Variants in ZNF700 observed in about 807,000 individuals in gnomAD.
ZNF700 encodes the protein zinc finger protein 700.
In ZNF700, 38 loss-of-function variants were observed where a neutral mutation model predicts 65.3. That is an observed-to-expected ratio of 0.58 (90% CI 0.45 to 0.76). ZNF700 has a LOEUF of 0.76. Among genes scored for constraint, ZNF700 ranks in the 30% least tolerant of loss-of-function variants. ZNF700 has a pLI of 0.00. For missense variants in ZNF700, 857 were observed against 888.4 expected (o/e 0.96, Z 0.45); for synonymous variants, 285 against 290.4 (o/e 0.98, Z 0.19).
intron 1 of ZNF700, 24 bp downstream of exon 1, chr19:11,925,297 G>T (rs577519086): frequency 6.2e-7 from 1 of 1,609,634 alleles, no homozygotes; most frequent in Non-Finnish European, 8.5e-7. Flanking sequence ...ACCAGATGTC[G>T]TGAGACGGGG....
Position 11,950,351 on chromosome 19 carries a change from G to A in ZNF700, c.*98G>A, listed in dbSNP as rs890501032. ...ACTTTCACATTTTCCAGTTCTTTTC[G>A]ATATCATGAAAGGACTCACACTGGG... On this transcript the variant is annotated 3_prime_UTR_variant, in exon 4 of 4. Coordinates refer to ENST00000254321, the MANE Select transcript of ZNF700 (RefSeq NM_144566.3). The A allele has an allele frequency of 1.2e-5, 15 of 1,277,186 alleles. No homozygotes were observed. The highest frequency in any genetic ancestry group is 3.8e-4 in the Middle Eastern group (2 of 5,302). 79.1% of individuals were successfully genotyped at this position (1,277,186 alleles called of 1,614,324 possible). A position where few individuals can be genotyped will look rare whatever the true frequency, so the allele number is the denominator to read the frequency against.
rs893338182 is a variant in ZNF700, at chr19:11,932,317, C to T, written c.63+7044C>T. On this transcript the variant is annotated intron_variant, in intron 1 of 3. Coordinates refer to ENST00000254321, the MANE Select transcript of ZNF700 (RefSeq NM_144566.3). ...TATGATTGCACCACTACACTCCAGC[C>T]TGGGTAACAGAACGAGACCCTGTTT... Among the ~76,000 whole-genome samples the T allele has an allele frequency of 3.4e-5, 5 of 146,968 alleles. 1 individual carries two copies. The highest frequency in any genetic ancestry group is 1.3e-4 in the African/African-American group (5 of 37,326).
chr19:11,932,931 C>T (rs1416329634), intron 1 of ZNF700, among the ~76,000 whole-genome samples: 1 of 148,334 alleles, frequency 6.7e-6, no homozygotes, highest in Admixed American at 6.6e-5. Flanking sequence ...GCCACTGCAC[C>T]CGGCCAATAT....
chr19:11,939,872 T>G (rs1357188308), intron 1 of ZNF700: 1 of 152,214 alleles, frequency 6.6e-6, no homozygotes, highest in Non-Finnish European at 1.5e-5. Flanking sequence ...ATAAGTTCTG[T>G]AAGATGAATT....
chr19:11,946,353 A>G (rs1305436019), intron 1 of ZNF700, among the ~76,000 whole-genome samples: 1 of 151,942 alleles, frequency 6.6e-6, no homozygotes, highest in Non-Finnish European at 1.5e-5. Context: ...TCTCTCTTCT[A>G]GGTAAGGACG....
chr19:11,940,373 G>C (rs931606996), intron 1 of ZNF700, among the ~76,000 whole-genome samples: 1 of 152,144 alleles, frequency 6.6e-6, no homozygotes, highest in Non-Finnish European at 1.5e-5. Context: ...TCTGGAGTTT[G>C]TTCCTTCTGA....
intron 1 of ZNF700, among the ~76,000 whole-genome samples, chr19:11,933,785 CAGTGAGCTGAG>C (rs1250488099): frequency 1.4e-5 from 2 of 144,496 alleles, no homozygotes; most frequent in African/African-American, 5.6e-5. Context: ...GCGGAGCTTG[CAGTGAGCTGAG>C]ATGGCGCCAC....
rs1035138144 is a variant in ZNF700, at chr19:11,934,600, C to T, written c.63+9327C>T. On this transcript the variant is annotated intron_variant, in intron 1 of 3. Transcript: ENST00000254321. Reference sequence around the variant, plus strand: ...GGAGTGCAATGGCGCAATCTCAGCTCACTGCAGCCTCTGCCTCCCAGGTTC... The same window carrying T: ...GGAGTGCAATGGCGCAATCTCAGCTTACTGCAGCCTCTGCCTCCCAGGTTC... Among the ~76,000 whole-genome samples the T allele has an allele frequency of 1.4e-4, 20 of 147,656 alleles. 2 individuals carry two copies. Among genetic ancestry groups the T allele is most frequent in the Admixed American group, 1.1e-3 (16 of 15,048 alleles).
Position 11,950,087 on chromosome 19 carries a change from C to T in ZNF700, c.2063C>T (p.Ala688Val), listed in dbSNP as rs1488370339. 1.2e-6 allele frequency: 2 copies of T among 1,614,050 alleles called. No individual in the cohort carries two copies. The highest frequency in any genetic ancestry group is 1.3e-5 in the African/African-American group (1 of 74,930). The change falls in exon 4 of 4, where the codon GCC becomes GTC. Residue 688 changes from alanine (A) to valine (V), a missense_variant. By Grantham distance (64) the Ala-to-Val change is moderately conservative. Around this residue, in one of 3 missense-constraint regions of ZNF700, gnomAD observed 251 missense variants for 250.3 expected, o/e 1.00. Transcript: ENST00000254321. Reference protein sequence around the residue: ...CKHCGNGFTSAKILQIHARTH... With the variant: ...CKHCGNGFTSVKILQIHARTH... The stretch of plus-strand genomic sequence containing the variant: ...CATTGTGGGAATGGATTCACATCTG[C>T]CAAGATTCTTCAAATACATGCAAGA...
rs1193621523 is a variant in ZNF700 at position 11,949,413 on chromosome 19, G to A, written c.1389G>A (p.Val463=). Residue 463 remains valine, a synonymous_variant, in exon 4 of 4, where the codon GTG becomes GTA. Transcript: ENST00000254321. ...TCAGATCTACCTCACACCTTCGAGT[G>A]CATGGTAGGACTCATACTGGAGAGA... is the stretch of plus-strand genomic sequence containing the variant. The part of the protein sequence containing the change: ...KAFRSTSHLR[V]HGRTHTGEKP... The A allele has an allele frequency of 6.2e-7, 1 of 1,613,214 alleles. No homozygotes were observed. Among genetic ancestry groups the A allele is most frequent in the Non-Finnish European group, 8.5e-7 (1 of 1,179,800 alleles).
rs1422772142 is a variant in ZNF700, at chr19:11,949,756, C to T, written c.1732C>T (p.His578Tyr). 5.7e-6 allele frequency: 9 copies of T among 1,588,360 alleles called. No homozygotes were observed. In the African/African-American group the frequency reaches 1.3e-4, roughly 24 times the overall value. Residue 578 changes from histidine to tyrosine, a missense_variant, in exon 4 of 4, where the codon CAC (histidine) becomes TAC (tyrosine). Physicochemically the swap from His to Tyr is moderately conservative, Grantham distance 83 (BLOSUM62 2). This residue lies in a region of ZNF700 where 251 missense variants were observed against 250.3 expected (regional missense o/e 1.00). Transcript: ENST00000254321. ...TGGGAAAGCCTTCAGATCTGCCTCA[C>T]ACCTTCGAATGCATGAAAGGACTCA... is the stretch of plus-strand genomic sequence containing the variant. ...QCGKAFRSAS[H>Y]LRMHERTHTG...
chr19:11,947,459 A>G, intron 2 of ZNF700, 55 bp from the exon 3 acceptor site: 1 of 1,602,514 alleles, frequency 6.2e-7, no homozygotes, highest in Non-Finnish European at 8.5e-7. Context: ...GAATCTAATA[A>G]TTTTTTCACA....
At position 11,949,438 on chromosome 19, in the gene ZNF700, A is replaced by G. The variant is rs1357247126; in HGVS notation, c.1414A>G (p.Lys472Glu). Residue 472 changes from lysine to glutamate, a missense_variant, in exon 4 of 4, where the codon AAA (lysine) becomes GAA (glutamate). Around this residue, in one of 3 missense-constraint regions of ZNF700, gnomAD observed 603 missense variants for 619.9 expected, o/e 0.97. Transcript: ENST00000254321. ...RVHGRTHTGE[K>E]PYECKECGKA... ...GCATGGTAGGACTCATACTGGAGAG[A>G]AACCCTATGAATGTAAGGAATGTGG... The G allele has an allele frequency of 6.2e-7, 1 of 1,613,270 alleles. No individual in the cohort carries two copies. The highest frequency in any genetic ancestry group is 2.2e-5 in the East Asian group (1 of 44,846).
intron 1 of ZNF700, among the ~76,000 whole-genome samples, chr19:11,932,819 A>G (rs1206528875): frequency 6.8e-6 from 1 of 147,174 alleles, no homozygotes; most frequent in Admixed American, 6.7e-5. Flanking sequence ...TTGTATTTTT[A>G]GTAGAGACGG....
chr19:11,929,894 C>G (rs1972688392), intron 1 of ZNF700, among the ~76,000 whole-genome samples: 1 of 148,394 alleles, frequency 6.7e-6, no homozygotes, highest in Non-Finnish European at 1.5e-5. Context: ...TTCCTAGACA[C>G]AGACACCTTA....
chr19:11,947,430 G>A lies in ZNF700; in HGVS notation c.191-84G>A, dbSNP rs1599293755. The A allele has an allele frequency of 5.6e-6, 9 of 1,599,084 alleles. No homozygotes were observed. The East Asian group carries it at 2.0e-4, about 36-fold the overall frequency. Reference sequence around the variant, plus strand: ...CTTGATGAATAAATGAGGCATGGCTGCAGTAAATCATGGGCACAGAATCTA... The same window carrying A: ...CTTGATGAATAAATGAGGCATGGCTACAGTAAATCATGGGCACAGAATCTA... On this transcript the variant is annotated intron_variant, in intron 2 of 3. Transcript: ENST00000254321.
chr19:11,928,198 C>T (rs1222781643), intron 1 of ZNF700, among the ~76,000 whole-genome samples: 2 of 152,104 alleles, frequency 1.3e-5, no homozygotes, highest in Non-Finnish European at 2.9e-5. Flanking sequence ...GTTGCCCAGG[C>T]TGGTCTCTGG....
chr19:11,950,219 A>G lies in ZNF700; in HGVS notation c.2195A>G (p.Tyr732Cys), dbSNP rs760950827. ...AGGACTCATATGGGAGAGAAGCCAT[A>G]TGAATGTAAGGATTGTGGGAAAGCA... The part of the protein sequence containing the change: ...HARTHMGEKP[Y>C]ECKDCGKAFS The change falls in exon 4 of 4, where the codon TAT (tyrosine) becomes TGT (cysteine). Residue 732 changes from tyrosine (Y) to cysteine (C), a missense_variant. This residue lies in a region of ZNF700 where 251 missense variants were observed against 250.3 expected (regional missense o/e 1.00). Transcript: ENST00000254321. The G allele has an allele frequency of 3.7e-6, 6 of 1,612,632 alleles. No homozygotes were observed. The African/African-American group carries it at 6.7e-5, about 18-fold the overall frequency.
In ZNF700 at chr19:11,947,575, G is replaced by A. The variant is rs148396178; in HGVS notation, c.251+1G>A. ...ACCAAAACCCCAGAAGAAGCTTCAG[G>A]TAATTTGCATTTCCAAGAGAAAGCA... On this transcript the variant is annotated splice_donor_variant, in intron 3 of 3. Transcript: ENST00000254321. LOFTEE classifies it high-confidence loss of function. The A allele has an allele frequency of 2.3e-4, 377 of 1,613,090 alleles. 3 individuals carry two copies. The African/African-American group carries it at 4.6e-3, about 20-fold the overall frequency.
Sources: gnomAD v4.1 joint callset for allele counts (sites outside exome capture counted in the v4.1 genomes callset) on GRCh38, gnomAD v4.1.1 for gene constraint, gnomAD v4.1.1 regional missense constraint, MANE v1.5 for transcripts, NCBI Gene and HGNC (gene_info 2026-07-23, HGNC 2026-07-21) for gene names.